Variants in DOCK7 observed in about 807,000 individuals in gnomAD.
DOCK7 encodes dedicator of cytokinesis protein 7.
DOCK7 carries 138 observed loss-of-function variants against 271.0 expected under a neutral mutation model. The observed-to-expected ratio is 0.51, with a 90% CI of 0.44 to 0.59. DOCK7 has a LOEUF of 0.59. Ranked by LOEUF, DOCK7 falls within the 20% of genes least tolerant of loss-of-function variation. DOCK7 has a pLI of 0.00. For synonymous variants in DOCK7, 823 were observed against 876.1 expected, an observed-to-expected ratio of 0.94 and a Z score of 1.07; for missense variants, 2,066 against 2,592.4, an observed-to-expected ratio of 0.80 and a Z score of 4.41.
chr1:62,672,343 C>T (rs958802641), intron 1 of DOCK7, among the ~76,000 whole-genome samples: 7 of 152,052 alleles, frequency 4.6e-5, no homozygotes, highest in African/African-American at 1.7e-4. Flanking sequence ...GCACTTACAA[C>T]GTGTCACATA....
chr1:62,472,385 G>A (rs773572018), intron 48 of DOCK7, among the ~76,000 whole-genome samples: 17 of 152,226 alleles, frequency 1.1e-4, no homozygotes, highest in African/African-American at 1.4e-4. Context: ...AATTACAGGC[G>A]TGAGCCACTC....
chr1:62,642,686 A>C lies in DOCK7; in HGVS notation c.818+5005T>G, dbSNP rs17123737. ...CTATCTTAATTATTTTAACCTCATA[A>C]ACTAGACTCTATTACCACAAACACA... On this transcript the variant is annotated intron_variant, in intron 7 of 49. Coordinates refer to ENST00000635253, the MANE Select transcript of DOCK7 (RefSeq NM_001367561.1). Among the ~76,000 whole-genome samples the C allele has an allele frequency of 1.2e-3, 183 of 152,248 alleles. 4 individuals carry two copies. The East Asian group carries it at 0.032, about 27-fold the overall frequency.
intron 4 of DOCK7, among the ~76,000 whole-genome samples, chr1:62,652,737 G>GTAAA (rs1436411126): frequency 1.3e-5 from 2 of 152,156 alleles, no homozygotes; most frequent in African/African-American, 4.8e-5. Flanking sequence ...ATGCACAGAG[G>GTAAA]TAAAGACTTT....
At chr1:62,634,145 T>G (rs2149632433) in intron 9 of DOCK7, among the ~76,000 whole-genome samples, 1 of 152,148 alleles carries the variant, frequency 6.6e-6, no homozygotes, top group Non-Finnish European at 1.5e-5. Flanking sequence ...AAAATTTCAT[T>G]TATAATACCA....
At chr1:62,493,833 C>A (rs1646537175) in intron 40 of DOCK7, among the ~76,000 whole-genome samples, 1 of 152,152 alleles carries the variant, frequency 6.6e-6, no homozygotes, top group South Asian at 2.1e-4. Flanking sequence ...ATTATGTACC[C>A]TACTAGAGGG....
At chr1:62,475,500 AAAAAAAAAATCAACCTTT>A in intron 46 of DOCK7, 149 bp from the exon 47 acceptor site, 1 of 1,143,204 alleles carries the variant, frequency 8.7e-7, no homozygotes. Flanking sequence ...CCTAAATGAA[AAAAAAAAAATCAACCTTT>A]TAAAGAAAAA....
chr1:62,648,789 T>A (rs751546803), intron 4 of DOCK7, among the ~76,000 whole-genome samples: 1 of 152,026 alleles, frequency 6.6e-6, no homozygotes, highest in Non-Finnish European at 1.5e-5. Flanking sequence ...ATCATGTGTA[T>A]ATAAATTAAG....
chr1:62,657,562 T>C (rs1434843402), intron 2 of DOCK7, among the ~76,000 whole-genome samples: 1 of 152,212 alleles, frequency 6.6e-6, no homozygotes, highest in Non-Finnish European at 1.5e-5. Flanking sequence ...AGACAACTTA[T>C]AGATGTTAAT....
At position 62,619,906 on chromosome 1, in the gene DOCK7, T is replaced by C; in HGVS notation, c.1513A>G (p.Ile505Val). Residue 505 changes from isoleucine (I) to valine (V), a missense_variant, in exon 13 of 50, where the codon ATT becomes GTT. Coordinates refer to ENST00000635253, the MANE Select transcript of DOCK7 (RefSeq NM_001367561.1). Reference sequence around the variant, plus strand: ...ACTCAAAATTTTTAAATACCTGTAATAGGTCTTAGTCGCCGTAAGACAGAA... The same window carrying C: ...ACTCAAAATTTTTAAATACCTGTAACAGGTCTTAGTCGCCGTAAGACAGAA... ...PSSVLRRLRP[I>V]TAQLKIDISP... 6.2e-7 allele frequency: 1 copy of C among 1,609,686 alleles called. No individual in the cohort carries two copies. The highest frequency in any genetic ancestry group is 1.3e-5 in the African/African-American group (1 of 74,792).
intron 2 of DOCK7, among the ~76,000 whole-genome samples, chr1:62,659,529 T>C (rs1386600121): frequency 6.6e-6 from 1 of 152,042 alleles, no homozygotes; most frequent in African/African-American, 2.4e-5. Context: ...AAATGGTAGA[T>C]TTAAACCCTA....
rs145829350 is a variant in DOCK7 at position 62,625,333 on chromosome 1, T to C, written c.1351A>G (p.Thr451Ala). 2.5e-6 allele frequency: 4 copies of C among 1,613,850 alleles called. No homozygotes were observed. Among genetic ancestry groups the C allele is most frequent in the Admixed American group, 1.7e-5 (1 of 60,026 alleles). Reference sequence around the variant, plus strand: ...AAGTTACAAGCATCATCTCCACTTGTTGTCCTTTCAAGTGATCGTCTGCCA... The same window carrying C: ...AAGTTACAAGCATCATCTCCACTTGCTGTCCTTTCAAGTGATCGTCTGCCA... ...IVGRRSLERT[T>A]SGDDACNLTS... is the part of the protein sequence containing the mutation. Residue 451 changes from threonine to alanine, a missense_variant, in exon 12 of 50, where the codon ACA (threonine) becomes GCA (alanine). Thr to Ala is a moderately conservative substitution (Grantham distance 58). Transcript: ENST00000635253.
chr1:62,576,869 TA>T (rs1646956296), intron 18 of DOCK7, among the ~76,000 whole-genome samples: 1 of 152,200 alleles, frequency 6.6e-6, no homozygotes. Flanking sequence ...TCTAAAAAAT[TA>T]ATTTAAATCT....
intron 37 of DOCK7, among the ~76,000 whole-genome samples, chr1:62,501,521 A>G (rs1646783004): frequency 6.6e-6 from 1 of 152,204 alleles, no homozygotes; most frequent in African/African-American, 2.4e-5. Context: ...ATTGAGGTAC[A>G]AAGAATGACA....
intron 15 of DOCK7, among the ~76,000 whole-genome samples, chr1:62,586,276 C>G (rs916696951): frequency 3.3e-5 from 5 of 152,104 alleles, no homozygotes; most frequent in African/African-American, 1.2e-4. Context: ...CTCTGGATTA[C>G]AAGTCTTATT....
Position 62,457,621 on chromosome 1 carries a change from A to G in DOCK7, c.6297T>C (p.His2099=). The change falls in exon 49 of 50, where the codon CAT becomes CAC. Residue 2099 remains histidine, a synonymous_variant. Transcript: ENST00000635253. ...EYQRELERNY[H]RLKEALQPLI... ...GTGGCTGTAGGGCCTCTTTAAGGCG[A>G]TGATAGTTTCTCTCCAGTTCCCTTT... The G allele has an allele frequency of 6.2e-7, 1 of 1,614,176 alleles. No homozygotes were observed. Among genetic ancestry groups the G allele is most frequent in the Non-Finnish European group, 8.5e-7 (1 of 1,180,038 alleles).
At chr1:62,555,606 T>C (rs144291147) in intron 21 of DOCK7, among the ~76,000 whole-genome samples, 29 of 152,330 alleles carry the variant, frequency 1.9e-4, no homozygotes, top group Non-Finnish European at 4.0e-4. Context: ...AGAACTCTAA[T>C]TCAAACTAAA....
At chr1:62,525,113 C>T (rs1644968421) in intron 31 of DOCK7, among the ~76,000 whole-genome samples, 1 of 151,328 alleles carries the variant, frequency 6.6e-6, no homozygotes, top group Non-Finnish European at 1.5e-5. Context: ...TCAAGTGATT[C>T]TCCTGTCTTA....
At chr1:62,554,861 T>C (rs1361361627) in intron 21 of DOCK7, among the ~76,000 whole-genome samples, 1 of 152,208 alleles carries the variant, frequency 6.6e-6, no homozygotes, top group South Asian at 2.1e-4. Context: ...AAATGTCAAT[T>C]GCTTTTCTTT....
intron 43 of DOCK7, chr1:62,482,211 C>G (rs1366942023): frequency 6.6e-6 from 1 of 152,160 alleles, no homozygotes; most frequent in Admixed American, 6.5e-5. Context: ...CTTATCACAA[C>G]TTTATGTGAT....
Sources: gnomAD v4.1 joint callset for allele counts (sites outside exome capture counted in the v4.1 genomes callset) on GRCh38, gnomAD v4.1.1 for gene constraint, MANE v1.5 for transcripts, NCBI Gene and HGNC (gene_info 2026-07-23, HGNC 2026-07-21) for gene names.